Variants in CA10 observed in about 807,000 individuals in gnomAD.
CA10 encodes carbonic anhydrase 10 (inactive).
Under a neutral mutation model 44.2 loss-of-function variants are expected in CA10, and 14 were observed. The ratio of observed to expected loss-of-function variants is 0.32; its 90% CI spans 0.21 to 0.50. The LOEUF is 0.50. Among genes scored for constraint, CA10 ranks in the 20% least tolerant of loss-of-function variants. The probability of loss-of-function intolerance (pLI) is 0.99; values close to 1 mark genes in which losing one functional copy is unlikely to be tolerated. For missense variants in CA10, 350 were observed against 409.7 expected, an observed-to-expected ratio of 0.85 and a Z score of 1.26; for synonymous variants, 159 against 141.6, an observed-to-expected ratio of 1.12 and a Z score of -0.87.
intron 6 of CA10, among the ~76,000 whole-genome samples, chr17:51,637,913 G>T (rs1033710615): frequency 5.3e-5 from 8 of 152,238 alleles, no homozygotes; most frequent in African/African-American, 1.9e-4. Context: ...GATAGATGCA[G>T]TCCTTGACCT....
intron 1 of CA10, among the ~76,000 whole-genome samples, chr17:52,102,633 T>C (rs1276699486): frequency 6.6e-6 from 1 of 152,058 alleles, no homozygotes; most frequent in Non-Finnish European, 1.5e-5. Flanking sequence ...ATCAGATATC[T>C]TCCTTGCCTT....
At chr17:52,034,623 G>A (rs1459849195) in intron 2 of CA10, among the ~76,000 whole-genome samples, 1 of 152,072 alleles carries the variant, frequency 6.6e-6, no homozygotes, top group Non-Finnish European at 1.5e-5. Context: ...AGCTGTCTGA[G>A]TCCAATCCAG....
chr17:51,715,999 T>A, intron 4 of CA10, among the ~76,000 whole-genome samples: 1 of 152,116 alleles, frequency 6.6e-6, no homozygotes, highest in Non-Finnish European at 1.5e-5. Context: ...CCTCATTCTT[T>A]CTAATTATTA....
At chr17:52,100,432 C>G (rs1453850959) in intron 1 of CA10, among the ~76,000 whole-genome samples, 1 of 132,198 alleles carries the variant, frequency 7.6e-6, no homozygotes, top group Non-Finnish European at 1.8e-5. Flanking sequence ...TCAAGGGCAA[C>G]AGGACTCTCA....
intron 1 of CA10, chr17:52,134,864 C>T: frequency 1.9e-6 from 1 of 518,974 alleles, no homozygotes; most frequent in Non-Finnish European, 3.8e-6. Context: ...GAACCCTGGG[C>T]TCCTTCTGAC....
At chr17:52,142,380 T>C (rs1428845776) in intron 1 of CA10, among the ~76,000 whole-genome samples, 5 of 152,186 alleles carry the variant, frequency 3.3e-5, no homozygotes. Flanking sequence ...GCATCTCACA[T>C]GTTATGAATT....
chr17:51,748,637 C>G, intron 3 of CA10: 2 of 222,088 alleles, frequency 9.0e-6, no homozygotes, highest in Non-Finnish European at 1.5e-5. Context: ...GGAGTAGGAT[C>G]TAGAGCTTAG....
At chr17:51,946,092 C>A (rs1279415914) in intron 2 of CA10, among the ~76,000 whole-genome samples, 2 of 152,110 alleles carry the variant, frequency 1.3e-5, no homozygotes, top group Non-Finnish European at 2.9e-5. Flanking sequence ...CACGTGGATT[C>A]TAAAATAGTT....
At chr17:51,784,733 G>A (rs1364807377) in intron 3 of CA10, among the ~76,000 whole-genome samples, 1 of 152,222 alleles carries the variant, frequency 6.6e-6, no homozygotes, top group Non-Finnish European at 1.5e-5. Context: ...ACATCATGGA[G>A]AACGGAGTAT....
intron 3 of CA10, among the ~76,000 whole-genome samples, chr17:51,911,080 A>T (rs576120129): frequency 2.0e-5 from 3 of 152,294 alleles, no homozygotes; most frequent in African/African-American, 7.2e-5. Flanking sequence ...TTTTGAACCT[A>T]AAGCATTATG....
intron 3 of CA10, among the ~76,000 whole-genome samples, chr17:51,889,620 A>G (rs1980768311): frequency 6.6e-6 from 1 of 152,178 alleles, no homozygotes; most frequent in Non-Finnish European, 1.5e-5. Context: ...GGACATCACT[A>G]CTGGGAAGCA....
chr17:51,718,211 TATGAAAAAAAGATTTAAA>T (rs138044166), intron 4 of CA10, among the ~76,000 whole-genome samples: 92,753 of 149,434 alleles, frequency 0.62, 28,932 homozygotes, highest in East Asian at 0.72. Context: ...CCCAATAATT[TATGAAAAAAAGATTTAAA>T]ATGAAAAAAA....
chr17:51,821,036 C>A (rs1440815059), intron 3 of CA10, among the ~76,000 whole-genome samples: 4 of 91,282 alleles, frequency 4.4e-5, no homozygotes, highest in Non-Finnish European at 8.5e-5. Flanking sequence ...TCCCTCCCTC[C>A]CTCCCTCCCT....
intron 2 of CA10, among the ~76,000 whole-genome samples, chr17:52,011,975 A>G (rs1985812031): frequency 2.0e-5 from 3 of 152,072 alleles, no homozygotes; most frequent in Admixed American, 1.3e-4. Context: ...GAAGCCAAAC[A>G]GCAGTGAAGG....
intron 3 of CA10, among the ~76,000 whole-genome samples, chr17:51,899,165 T>C (rs1377776636): frequency 6.6e-6 from 1 of 152,150 alleles, no homozygotes; most frequent in Non-Finnish European, 1.5e-5. Flanking sequence ...TCTAAAGTTT[T>C]GATGTGGGCA....
In CA10 at chr17:51,653,634, G is replaced by C; in HGVS notation, c.561+7C>G. 2 of 1,451,026 alleles carry C rather than the reference G, an allele frequency of 1.4e-6. No individual in the cohort carries two copies. Among genetic ancestry groups the C allele is most frequent in the Non-Finnish European group, 1.9e-6 (2 of 1,031,256 alleles). 89.9% of individuals were successfully genotyped at this position (1,451,026 alleles called of 1,614,324 possible). ...GTGAGAAGAATGAAGGAATGCAAGA[G>C]ACTTACTTTTATAAATATAGAAACT... is the stretch of plus-strand genomic sequence containing the variant. On this transcript the variant is annotated splice_region_variant and intron_variant, in intron 5 of 8. Coordinates refer to ENST00000451037, the MANE Select transcript of CA10 (RefSeq NM_020178.5).
intron 6 of CA10, among the ~76,000 whole-genome samples, chr17:51,641,244 T>C (rs570952707): frequency 6.6e-6 from 1 of 152,170 alleles, no homozygotes; most frequent in South Asian, 2.1e-4. Context: ...AAATCCTAGA[T>C]GTCAAGTCAA....
At chr17:51,866,489 A>G (rs1038380179) in intron 3 of CA10, among the ~76,000 whole-genome samples, 10 of 152,306 alleles carry the variant, frequency 6.6e-5, no homozygotes, top group African/African-American at 2.4e-4. Context: ...CCATGCTTCC[A>G]GTGACTCCTC....
intron 6 of CA10, among the ~76,000 whole-genome samples, chr17:51,644,646 G>A (rs1002731696): frequency 2.6e-5 from 4 of 151,986 alleles, no homozygotes; most frequent in East Asian, 3.9e-4. Flanking sequence ...TCCCACCCAC[G>A]GATACGCTTC....
Sources: allele counts gnomAD v4.1 joint callset (sites outside exome capture counted in the v4.1 genomes callset), GRCh38; gene constraint gnomAD v4.1.1; transcripts MANE v1.5; gene names NCBI Gene and HGNC (gene_info 2026-07-23, HGNC 2026-07-21).